Variants in NRXN3 observed in about 807,000 individuals in gnomAD.
NRXN3 encodes the protein neurexin 3.
In NRXN3, 32 loss-of-function variants were observed where a neutral mutation model predicts 137.6. That is an observed-to-expected ratio of 0.23 (90% CI 0.18 to 0.31). NRXN3 has a LOEUF of 0.31. Among genes scored for constraint, NRXN3 ranks in the 10% least tolerant of loss-of-function variants. The pLI is 1.00. For missense variants in NRXN3, 1,574 were observed against 2,062.5 expected (o/e 0.76, Z 4.59); for synonymous variants, 798 against 784.5 (o/e 1.02, Z -0.29).
chr14:78,798,050 T>A (rs540892497), intron 8 of NRXN3, among the ~76,000 whole-genome samples: 1 of 152,186 alleles, frequency 6.6e-6, no homozygotes, highest in South Asian at 2.1e-4. Context: ...CCCTGACCCC[T>A]CCCAAATCTT....
Position 78,701,826 on chromosome 14 carries a change from G to C in NRXN3, c.1222-7391G>C, listed in dbSNP as rs148786813. Among the ~76,000 whole-genome samples the C allele has an allele frequency of 1.9e-3, 286 of 152,344 alleles. 2 individuals are homozygous for C. The highest frequency in any genetic ancestry group is 2.9e-3 in the Non-Finnish European group (198 of 68,034). ...ACATTTTCTGGCTCCTGCCTTGCAA[G>C]TCTGAACCTCAGTTCCAGTTTTCTA... On this transcript the variant is annotated intron_variant, in intron 6 of 20. Coordinates refer to ENST00000335750, the MANE Select transcript of NRXN3 (RefSeq NM_001330195.2).
At chr14:78,806,285 G>T (rs1192441252) in intron 9 of NRXN3, among the ~76,000 whole-genome samples, 1 of 152,074 alleles carries the variant, frequency 6.6e-6, no homozygotes, top group Admixed American at 6.5e-5. Flanking sequence ...TCTCATGCTT[G>T]TGTAAATGCA....
intron 15 of NRXN3, among the ~76,000 whole-genome samples, chr14:79,160,147 A>G (rs2060623120): frequency 2.0e-5 from 3 of 151,948 alleles, no homozygotes; most frequent in South Asian, 2.1e-4. Flanking sequence ...TGCTTATGAA[A>G]TGGCCTCATT....
chr14:78,316,390 T>A (rs1484363027), intron 4 of NRXN3, among the ~76,000 whole-genome samples: 1 of 152,162 alleles, frequency 6.6e-6, no homozygotes, highest in Admixed American at 6.5e-5. Context: ...GAAAGAGGAA[T>A]TAAAGACCTA....
intron 4 of NRXN3, among the ~76,000 whole-genome samples, chr14:78,419,805 C>T (rs1292136407): frequency 6.6e-6 from 1 of 152,158 alleles, no homozygotes; most frequent in Non-Finnish European, 1.5e-5. Context: ...GCCAGAACAC[C>T]ATGTCTTGGC....
At chr14:79,412,639 C>T (rs1183084847) in intron 15 of NRXN3, among the ~76,000 whole-genome samples, 2 of 151,198 alleles carry the variant, frequency 1.3e-5, no homozygotes, top group East Asian at 2.0e-4. Flanking sequence ...AAAAAGTAGC[C>T]AGGGGTGGTG....
intron 4 of NRXN3, among the ~76,000 whole-genome samples, chr14:78,605,638 CTT>C (rs2097244113): frequency 6.6e-6 from 1 of 152,006 alleles, no homozygotes; most frequent in South Asian, 2.1e-4. Context: ...TCTATCAAAT[CTT>C]TACTCATTTT....
At chr14:79,590,540 T>C (rs1465923955) in intron 16 of NRXN3, among the ~76,000 whole-genome samples, 2 of 151,920 alleles carry the variant, frequency 1.3e-5, no homozygotes, top group African/African-American at 4.8e-5. Flanking sequence ...ATGTCACATG[T>C]ACCCACAAAT....
intron 3 of NRXN3, among the ~76,000 whole-genome samples, chr14:78,288,860 T>A (rs2075477167): frequency 6.6e-6 from 1 of 152,196 alleles, no homozygotes; most frequent in Non-Finnish European, 1.5e-5. Flanking sequence ...AGTTAGGCCA[T>A]ACAGAAGCTG....
intron 4 of NRXN3, among the ~76,000 whole-genome samples, chr14:78,439,303 G>C (rs1391730464): frequency 1.3e-5 from 2 of 152,176 alleles, no homozygotes; most frequent in South Asian, 2.1e-4. Flanking sequence ...GCAAGAATTT[G>C]TAATTGGAAT....
intron 4 of NRXN3, among the ~76,000 whole-genome samples, chr14:78,422,078 C>T (rs1394136293): frequency 2.0e-5 from 3 of 152,098 alleles, no homozygotes; most frequent in African/African-American, 7.2e-5. Flanking sequence ...CCTCACAGGT[C>T]CCTGGAGGAT....
At chr14:78,730,155 G>T (rs1312525123) in intron 8 of NRXN3, among the ~76,000 whole-genome samples, 6 of 152,152 alleles carry the variant, frequency 3.9e-5, no homozygotes, top group African/African-American at 1.4e-4. Context: ...ATTCAGTGTT[G>T]CTTAAAGTGG....
intron 4 of NRXN3, among the ~76,000 whole-genome samples, chr14:78,421,128 T>C (rs2093425277): frequency 6.6e-6 from 1 of 152,058 alleles, no homozygotes. Flanking sequence ...CTGGGTGTGG[T>C]GGCATGTGCC....
At chr14:79,316,237 A>C (rs1483057534) in intron 15 of NRXN3, among the ~76,000 whole-genome samples, 1 of 152,242 alleles carries the variant, frequency 6.6e-6, no homozygotes, top group African/African-American at 2.4e-5. Flanking sequence ...ACACCTTGTA[A>C]ATGTATCTCG....
chr14:78,801,443 G>GCATCTTTTT (rs2098838623), intron 8 of NRXN3, among the ~76,000 whole-genome samples: 2 of 152,196 alleles, frequency 1.3e-5, no homozygotes, highest in Admixed American at 6.5e-5. Flanking sequence ...AGGGAAGCTG[G>GCATCTTTTT]CATCTTTTTC....
chr14:78,219,780 T>C (rs994171047), intron 1 of NRXN3, among the ~76,000 whole-genome samples: 3 of 152,204 alleles, frequency 2.0e-5, no homozygotes, highest in African/African-American at 7.2e-5. Context: ...AATGTGAGTT[T>C]TAGAAAGTTA....
chr14:79,856,443 A>G (rs1436684829), intron 20 of NRXN3, among the ~76,000 whole-genome samples: 1 of 152,210 alleles, frequency 6.6e-6, no homozygotes, highest in Non-Finnish European at 1.5e-5. Flanking sequence ...AATAATGCAA[A>G]TAAGAGATGA....
intron 19 of NRXN3, among the ~76,000 whole-genome samples, chr14:79,703,806 T>A (rs1393088444): frequency 6.6e-6 from 1 of 152,120 alleles, no homozygotes; most frequent in Admixed American, 6.6e-5. Context: ...TTACAGTACC[T>A]TTCCCGTAGG....
At chr14:79,007,081 C>G (rs565403908) in intron 15 of NRXN3, among the ~76,000 whole-genome samples, 6 of 152,068 alleles carry the variant, frequency 3.9e-5, no homozygotes, top group Non-Finnish European at 8.8e-5. Flanking sequence ...CACTCCCACC[C>G]CCCAACACAC....
Sources: allele counts gnomAD v4.1 joint callset (sites outside exome capture counted in the v4.1 genomes callset), GRCh38; gene constraint gnomAD v4.1.1; transcripts MANE v1.5; gene names NCBI Gene and HGNC (gene_info 2026-07-23, HGNC 2026-07-21).